Variants in DNAH11 observed in about 807,000 individuals in gnomAD.
DNAH11 encodes the protein dynein axonemal heavy chain 11.
DNAH11 carries 442 observed loss-of-function variants against 526.0 expected under a neutral mutation model. The ratio of observed to expected loss-of-function variants is 0.84; its 90% CI spans 0.78 to 0.91. DNAH11 has a LOEUF of 0.91. DNAH11 is among the 40% of genes least tolerant of loss of function. The pLI, the probability that DNAH11 is intolerant of heterozygous loss-of-function variation, is 0.00. For missense variants in DNAH11, 6,989 were observed against 5,448.7 expected, an observed-to-expected ratio of 1.28 and a Z score of -8.90; for synonymous variants, 2,461 against 1,935.9, an observed-to-expected ratio of 1.27 and a Z score of -7.12.
chr7:21,808,851 G>A (rs75747363), intron 63 of DNAH11, among the ~76,000 whole-genome samples: 393 of 152,312 alleles, frequency 2.6e-3, no homozygotes, highest in African/African-American at 9.0e-3. Context: ...ACATAGGAGT[G>A]CAGGTACCTC....
At chr7:21,844,506 A>C (rs892735859) in intron 66 of DNAH11, among the ~76,000 whole-genome samples, 3 of 152,208 alleles carry the variant, frequency 2.0e-5, no homozygotes, top group Non-Finnish European at 4.4e-5. Flanking sequence ...CTATAATGGC[A>C]GAGTTGAGTA....
intron 44 of DNAH11, among the ~76,000 whole-genome samples, chr7:21,723,024 G>C (rs57136454): frequency 0.02 from 3,048 of 152,070 alleles, 101 homozygotes; most frequent in African/African-American, 0.07. Context: ...CCTTCCCTTC[G>C]CTAATTAATA....
chr7:21,582,781 G>A (rs551475398), intron 9 of DNAH11, among the ~76,000 whole-genome samples: 29 of 152,228 alleles, frequency 1.9e-4, no homozygotes, highest in Middle Eastern at 6.8e-3. Flanking sequence ...TTCAATATCA[G>A]AAGAAAAAGA....
intron 56 of DNAH11, 103 bp from the exon 57 acceptor site, chr7:21,778,855 T>C (rs1369903029): frequency 7.2e-7 from 1 of 1,396,754 alleles, no homozygotes; most frequent in Non-Finnish European, 9.7e-7. Flanking sequence ...AGATGCAAGA[T>C]ACAAATTGTT....
intron 65 of DNAH11, among the ~76,000 whole-genome samples, chr7:21,838,199 G>T (rs1782066456): frequency 6.6e-6 from 1 of 152,188 alleles, no homozygotes; most frequent in African/African-American, 2.4e-5. Context: ...AAAGAGGCAG[G>T]TTAATTTAGA....
intron 28 of DNAH11, among the ~76,000 whole-genome samples, chr7:21,654,014 G>C (rs555552338): frequency 6.6e-6 from 1 of 152,100 alleles, no homozygotes; most frequent in Non-Finnish European, 1.5e-5. Context: ...CAGCAGTGGC[G>C]CCTGTATGCT....
intron 25 of DNAH11, among the ~76,000 whole-genome samples, chr7:21,622,575 C>T (rs1189134610): frequency 6.6e-6 from 1 of 152,146 alleles, no homozygotes; most frequent in Non-Finnish European, 1.5e-5. Context: ...AACTATACTA[C>T]AAGGCTACAG....
chr7:21,744,439 G>C lies in DNAH11; in HGVS notation c.8156G>C (p.Gly2719Ala). 6.2e-7 allele frequency: 1 copy of C among 1,613,142 alleles called. No homozygotes were observed. The highest frequency in any genetic ancestry group is 1.7e-5 in the Admixed American group (1 of 59,896). Residue 2719 changes from glycine to alanine, a missense_variant and splice_region_variant, in exon 50 of 82, where the codon GGG becomes GCG. Gly to Ala is a moderately conservative substitution (Grantham distance 60). Coordinates refer to ENST00000409508, the MANE Select transcript of DNAH11 (RefSeq NM_001277115.2). ...NLRDLSNVFQGILFASPECLK... is the reference protein window; with the variant it reads ...NLRDLSNVFQAILFASPECLK... ...ATTTTCCCCATTCTTGCCTTGTAGG[G>C]GATTTTATTTGCTTCTCCTGAGTGT...
chr7:21,683,680 TTATG>T (rs1783241531), intron 31 of DNAH11, 100 bp from the exon 32 acceptor site: 1 of 1,277,532 alleles, frequency 7.8e-7, no homozygotes, highest in African/African-American at 1.5e-5. Flanking sequence ...GATTTCCTAT[TTATG>T]AGAATTTTAG....
At chr7:21,720,332 A>G (rs1033177093) in intron 43 of DNAH11, among the ~76,000 whole-genome samples, 44 of 152,282 alleles carry the variant, frequency 2.9e-4, no homozygotes, top group Non-Finnish European at 5.3e-4. Context: ...ACACTTATTG[A>G]TAAGGAAAGA....
intron 30 of DNAH11, among the ~76,000 whole-genome samples, chr7:21,678,172 C>CT (rs34898192): frequency 0.025 from 3,452 of 137,950 alleles, 110 homozygotes; most frequent in African/African-American, 0.082. Flanking sequence ...GCTTTTCCCA[C>CT]TTTTTTTTTT....
At chr7:21,830,883 A>G (rs1562571532) in intron 65 of DNAH11, among the ~76,000 whole-genome samples, 2 of 152,190 alleles carry the variant, frequency 1.3e-5, no homozygotes, top group Non-Finnish European at 2.9e-5. Flanking sequence ...ACTCAGAAAA[A>G]TAATTTTATT....
intron 31 of DNAH11, among the ~76,000 whole-genome samples, chr7:21,682,137 T>A (rs11769083): frequency 0.17 from 25,343 of 152,230 alleles, 2,638 homozygotes; most frequent in Non-Finnish European, 0.22. Flanking sequence ...GTCACTTGGG[T>A]AATCCTTTGT....
At chr7:21,863,405 ACAC>A (rs1314971816) in intron 69 of DNAH11, among the ~76,000 whole-genome samples, 1 of 152,056 alleles carries the variant, frequency 6.6e-6, no homozygotes. Context: ...TCAGCTTACT[ACAC>A]CATTTGCCTC....
chr7:21,673,279 C>T (rs1246194693), intron 30 of DNAH11, among the ~76,000 whole-genome samples: 2 of 152,096 alleles, frequency 1.3e-5, no homozygotes, highest in Admixed American at 6.5e-5. Context: ...CTGGCTCCAC[C>T]GTTTATAACT....
At chr7:21,787,363 A>G in intron 59 of DNAH11, 38 bp from the exon 60 acceptor site, 1 of 1,568,034 alleles carries the variant, frequency 6.4e-7, no homozygotes, top group African/African-American at 1.4e-5. Flanking sequence ...CTCTGCAGCC[A>G]AAATGGGTTC....
intron 48 of DNAH11, among the ~76,000 whole-genome samples, chr7:21,740,244 TACC>T (rs1426912441): frequency 7.9e-5 from 12 of 152,314 alleles, no homozygotes; most frequent in Non-Finnish European, 5.9e-5. Context: ...TTACAAAATT[TACC>T]ACATTAACCA....
intron 2 of DNAH11, among the ~76,000 whole-genome samples, chr7:21,548,789 T>C (rs530285471): frequency 6.6e-6 from 1 of 152,280 alleles, no homozygotes; most frequent in South Asian, 2.1e-4. Flanking sequence ...GCCCCCTGCC[T>C]AGAGAGGCAA....
chr7:21,714,539 G>A (rs7800141), intron 42 of DNAH11, among the ~76,000 whole-genome samples: 5,371 of 152,016 alleles, frequency 0.035, 276 homozygotes, highest in East Asian at 0.21. Flanking sequence ...AGCTTTATAC[G>A]TATTAATTCA....
Sources: gnomAD v4.1 joint callset for allele counts (sites outside exome capture counted in the v4.1 genomes callset) on GRCh38, gnomAD v4.1.1 for gene constraint, MANE v1.5 for transcripts, NCBI Gene and HGNC (gene_info 2026-07-23, HGNC 2026-07-21) for gene names.